NAA15: variants seen among roughly 807,000 people sequenced by gnomAD.
NAA15 encodes the protein N-terminal acetyltransferase.
NAA15 carries 34 observed loss-of-function variants against 114.0 expected under a neutral mutation model. The observed-to-expected ratio is 0.30, with a 90% CI of 0.23 to 0.40. NAA15 has a LOEUF of 0.40. Among genes scored for constraint, NAA15 ranks in the 10% least tolerant of loss-of-function variants. The probability of loss-of-function intolerance (pLI) is 1.00; values close to 1 mark genes in which losing one functional copy is unlikely to be tolerated. For synonymous variants in NAA15, 340 were observed against 338.0 expected (o/e 1.01, Z -0.06); for missense variants, 658 against 1,004.5 (o/e 0.66, Z 4.66).
At chr4:139,386,061 T>C (rs1748901284) in intron 18 of NAA15, 72 bp from the exon 19 acceptor site, 1 of 766,410 alleles carries the variant, frequency 1.3e-6, no homozygotes, top group African/African-American at 1.8e-5. Flanking sequence ...GTTTGCCTTT[T>C]ATATTTAAAT....
At position 139,360,644 on chromosome 4, in the gene NAA15, A is replaced by G. The variant is rs753867328; in HGVS notation, c.1539+16A>G. ...GATTGAGAGAGTAAGTACCTTCTACATAAAAGTTTTCTTGTTTTATTCTGT... is the reference window on the plus strand; with the variant it reads ...GATTGAGAGAGTAAGTACCTTCTACGTAAAAGTTTTCTTGTTTTATTCTGT... On this transcript the variant is annotated intron_variant, in intron 13 of 19. Transcript: ENST00000296543. 1.9e-6 allele frequency: 3 copies of G among 1,563,322 alleles called. No homozygotes were observed. Among genetic ancestry groups the G allele is most frequent in the South Asian group, 2.4e-5 (2 of 82,434 alleles).
intron 14 of NAA15, among the ~76,000 whole-genome samples, chr4:139,366,128 C>T (rs1748276154): frequency 6.6e-6 from 1 of 151,990 alleles, no homozygotes; most frequent in Non-Finnish European, 1.5e-5. Flanking sequence ...TCTATTGCTG[C>T]ATCATAAATT....
At chr4:139,313,343 A>G (rs1045112217) in intron 1 of NAA15, among the ~76,000 whole-genome samples, 1 of 151,952 alleles carries the variant, frequency 6.6e-6, no homozygotes, top group South Asian at 2.1e-4. Context: ...ATTACCTTTA[A>G]TTATCAATGT....
chr4:139,317,739 A>G (rs1056569456), intron 1 of NAA15, among the ~76,000 whole-genome samples: 4 of 152,164 alleles, frequency 2.6e-5, no homozygotes, highest in African/African-American at 7.2e-5. Flanking sequence ...ATAATTTGCA[A>G]TTCAGGTTTT....
chr4:139,332,425 G>C (rs982653317), intron 1 of NAA15, among the ~76,000 whole-genome samples: 4 of 151,936 alleles, frequency 2.6e-5, no homozygotes, highest in Non-Finnish European at 5.9e-5. Flanking sequence ...CACCACGCCT[G>C]GCCCTCGATA....
intron 16 of NAA15, 136 bp from the exon 17 acceptor site, chr4:139,378,620 C>T (rs957574868): frequency 2.6e-5 from 11 of 428,046 alleles, no homozygotes; most frequent in Non-Finnish European, 3.7e-5. Context: ...TGAGGAAAAT[C>T]GTTTGCCTCA....
At chr4:139,360,834 T>A (rs532906680) in intron 13 of NAA15, among the ~76,000 whole-genome samples, 6 of 152,258 alleles carry the variant, frequency 3.9e-5, no homozygotes, top group Non-Finnish European at 7.4e-5. Flanking sequence ...AACTCTTTTT[T>A]AAAAAACTTT....
chr4:139,321,871 T>TA (rs1746630167), intron 1 of NAA15, among the ~76,000 whole-genome samples: 2 of 152,128 alleles, frequency 1.3e-5, no homozygotes, highest in East Asian at 1.9e-4. Flanking sequence ...CTCAGCTACT[T>TA]ACGTCATTGT....
At chr4:139,354,136 A>G in intron 10 of NAA15, 38 bp downstream of exon 10, 1 of 1,477,338 alleles carries the variant, frequency 6.8e-7, no homozygotes, top group Non-Finnish European at 9.5e-7. Context: ...AACATCTTGA[A>G]AATTTTAATA....
At chr4:139,367,236 G>A (rs968618492) in intron 14 of NAA15, among the ~76,000 whole-genome samples, 5 of 152,182 alleles carry the variant, frequency 3.3e-5, no homozygotes, top group African/African-American at 1.2e-4. Context: ...CTCAAGTCCA[G>A]TGGGGCATGG....
At chr4:139,368,158 A>T (rs1748336296) in intron 14 of NAA15, among the ~76,000 whole-genome samples, 1 of 152,222 alleles carries the variant, frequency 6.6e-6, no homozygotes, top group East Asian at 1.9e-4. Flanking sequence ...CTGCAAAACA[A>T]ATTACTCAAA....
At chr4:139,359,295 A>G (rs1489070490) in intron 11 of NAA15, among the ~76,000 whole-genome samples, 1 of 151,566 alleles carries the variant, frequency 6.6e-6, no homozygotes, top group Admixed American at 6.6e-5. Flanking sequence ...CCCTTGGTTT[A>G]CTTTGTATTT....
intron 6 of NAA15, among the ~76,000 whole-genome samples, chr4:139,347,727 A>G (rs1200055754): frequency 6.6e-6 from 1 of 151,666 alleles, no homozygotes; most frequent in Non-Finnish European, 1.5e-5. Flanking sequence ...TATCTGCAAG[A>G]CTCTTAGAAA....
At chr4:139,309,842 T>C (rs1446277110) in intron 1 of NAA15, among the ~76,000 whole-genome samples, 1 of 152,244 alleles carries the variant, frequency 6.6e-6, no homozygotes, top group South Asian at 2.1e-4. Context: ...GACTAAAGCT[T>C]AAAAGGGAAC....
At chr4:139,373,821 C>T (rs1748510097) in intron 15 of NAA15, among the ~76,000 whole-genome samples, 1 of 152,102 alleles carries the variant, frequency 6.6e-6, no homozygotes, top group Admixed American at 6.5e-5. Flanking sequence ...GCCTCAGCTT[C>T]CCCAGTAGCT....
At chr4:139,361,595 G>T in intron 13 of NAA15, 129 bp from the exon 14 acceptor site, 2 of 599,032 alleles carry the variant, frequency 3.3e-6, no homozygotes, top group Non-Finnish European at 5.7e-6. Context: ...TTGAATAATT[G>T]TAATTGTTTT....
At chr4:139,318,412 A>G (rs1176735078) in intron 1 of NAA15, 1 of 152,192 alleles carries the variant, frequency 6.6e-6, no homozygotes, top group East Asian at 1.9e-4. Context: ...TAAAATTGGA[A>G]CAATACAAAG....
Position 139,388,178 on chromosome 4 carries a change from A to T in NAA15, c.*94A>T. 1 of 989,798 alleles carries T rather than the reference A, an allele frequency of 1.0e-6. No individual in the cohort carries two copies. The highest frequency in any genetic ancestry group is 2.6e-5 in the East Asian group (1 of 38,834). 61.3% of individuals were successfully genotyped at this position (989,798 alleles called of 1,614,324 possible). A position where few individuals can be genotyped will look rare whatever the true frequency, so the allele number is the denominator to read the frequency against. ...TGCTGCATTGCTCTAACTTACACAG[A>T]ATGAGAGGAGTAAATGTTCTTGCCT... On this transcript the variant is annotated 3_prime_UTR_variant, in exon 20 of 20. Coordinates refer to ENST00000296543, the MANE Select transcript of NAA15 (RefSeq NM_057175.5).
chr4:139,301,865 G>A (rs1366530553), intron 1 of NAA15, 34 bp downstream of exon 1: 1 of 1,567,362 alleles, frequency 6.4e-7, no homozygotes, highest in East Asian at 2.4e-5. Flanking sequence ...CGGTGGGGAG[G>A]ATTTAGCCGG....
Sources: gnomAD v4.1 joint callset for allele counts (sites outside exome capture counted in the v4.1 genomes callset) on GRCh38, gnomAD v4.1.1 for gene constraint, MANE v1.5 for transcripts, NCBI Gene and HGNC (gene_info 2026-07-23, HGNC 2026-07-21) for gene names.